Variants in PEX14 observed in about 807,000 individuals in gnomAD.
PEX14 encodes the protein peroxisomal biogenesis factor 14.
In PEX14, 15 loss-of-function variants were observed where a neutral mutation model predicts 49.5. The observed-to-expected ratio is 0.30, with a 90% CI of 0.20 to 0.47. The LOEUF is 0.47. Ranked by LOEUF, PEX14 falls within the 20% of genes least tolerant of loss-of-function variation. The pLI, the probability that PEX14 is intolerant of heterozygous loss-of-function variation, is 1.00. For synonymous variants in PEX14, 210 were observed against 212.7 expected (o/e 0.99, Z 0.11); for missense variants, 398 against 494.8 (o/e 0.80, Z 1.86).
intron 3 of PEX14, among the ~76,000 whole-genome samples, chr1:10,560,511 C>A (rs1159607330): frequency 1.3e-5 from 2 of 151,802 alleles, no homozygotes; most frequent in Admixed American, 1.3e-4. Context: ...CACAGGTGTG[C>A]ACCACCAGAC....
intron 3 of PEX14, among the ~76,000 whole-genome samples, chr1:10,574,017 G>A (rs867656941): frequency 4.1e-4 from 63 of 152,266 alleles, no homozygotes; most frequent in African/African-American, 1.3e-3. Context: ...CAGGATAATC[G>A]CTTGAACCTG....
At chr1:10,526,068 C>A (rs1261783028) in intron 2 of PEX14, among the ~76,000 whole-genome samples, 1 of 151,318 alleles carries the variant, frequency 6.6e-6, no homozygotes, top group Non-Finnish European at 1.5e-5. Flanking sequence ...ACTATAGGTG[C>A]GTGCTGCCAC....
chr1:10,615,134 T>G (rs904328506), intron 4 of PEX14, among the ~76,000 whole-genome samples: 17 of 151,820 alleles, frequency 1.1e-4, no homozygotes, highest in African/African-American at 3.9e-4. Flanking sequence ...GGGAAGGGAG[T>G]GGGGGAAGTC....
rs371062870 is a variant in PEX14 at position 10,592,767 on chromosome 1, C to T, written c.170-6471C>T. On this transcript the variant is annotated intron_variant, in intron 3 of 8. Coordinates refer to ENST00000356607, the MANE Select transcript of PEX14 (RefSeq NM_004565.3). ...ATTGAAACTGCTCAGCACTGGACCC[C>T]GTGAACCCAGCCTGTCTGCTTTGGA... Among the ~76,000 whole-genome samples the T allele has an allele frequency of 3.9e-5, 6 of 152,324 alleles. No individual in the cohort carries two copies. In the East Asian group the frequency reaches 7.7e-4, roughly 20 times the overall value.
intron 3 of PEX14, among the ~76,000 whole-genome samples, chr1:10,568,956 T>C (rs1570280803): frequency 1.3e-5 from 2 of 152,078 alleles, no homozygotes; most frequent in Non-Finnish European, 2.9e-5. Context: ...GCCAGGCTGG[T>C]CTCGAACTCC....
chr1:10,476,454 T>A (rs939145322), intron 1 of PEX14, among the ~76,000 whole-genome samples: 25 of 152,308 alleles, frequency 1.6e-4, no homozygotes, highest in African/African-American at 6.0e-4. Flanking sequence ...AATTGTTTTG[T>A]GTTAGGAATG....
At chr1:10,589,799 T>C (rs1204808715) in intron 3 of PEX14, among the ~76,000 whole-genome samples, 2 of 152,238 alleles carry the variant, frequency 1.3e-5, no homozygotes, top group Non-Finnish European at 2.9e-5. Flanking sequence ...TTAAAACTCT[T>C]GCGATAGAGT....
chr1:10,623,075 G>A lies in PEX14; in HGVS notation c.441G>A (p.Arg147=), dbSNP rs1445789805. Residue 147 remains arginine (R), a synonymous_variant, in exon 6 of 9, where the codon AGG becomes AGA. Transcript: ENST00000356607. The surrounding 1 kb of genome is among the most constrained non-coding windows in gnomAD (Gnocchi z 4.4). The part of the protein sequence containing the change: ...GGREDRKQLE[R]MEAGLSELSG... ...GAGAGGACAGAAAGCAGCTGGAGAG[G>A]ATGGAGGCCGGTCTCTCTGAGCTGA... 1.2e-6 allele frequency: 2 copies of A among 1,613,948 alleles called. No individual in the cohort carries two copies. The highest frequency in any genetic ancestry group is 2.2e-5 in the East Asian group (1 of 44,882).
At chr1:10,581,432 A>G (rs1640314597) in intron 3 of PEX14, among the ~76,000 whole-genome samples, 1 of 149,256 alleles carries the variant, frequency 6.7e-6, no homozygotes, top group South Asian at 2.1e-4. Flanking sequence ...CAGCCTCCCG[A>G]GTAGTTGGGA....
At chr1:10,518,399 C>T (rs1201719004) in intron 2 of PEX14, among the ~76,000 whole-genome samples, 1 of 152,162 alleles carries the variant, frequency 6.6e-6, no homozygotes, top group Non-Finnish European at 1.5e-5. Context: ...TCCTCTCTGC[C>T]TCAGTGGTTT....
At chr1:10,479,412 G>A (rs1247878161) in intron 1 of PEX14, among the ~76,000 whole-genome samples, 1 of 152,024 alleles carries the variant, frequency 6.6e-6, no homozygotes, top group Non-Finnish European at 1.5e-5. Context: ...AGAAAGTGCT[G>A]AGATTATAAG....
At chr1:10,582,736 G>T (rs7552996) in intron 3 of PEX14, among the ~76,000 whole-genome samples, 134,016 of 152,156 alleles carry the variant, frequency 0.88, 59,120 homozygotes, top group East Asian at 1. Context: ...TGTTTTGTTT[G>T]GTTTGGTTTG....
intron 1 of PEX14, 58 bp downstream of exon 1, chr1:10,475,060 C>A: frequency 6.6e-7 from 1 of 1,517,208 alleles, no homozygotes; most frequent in Non-Finnish European, 9.0e-7. Flanking sequence ...AGGGGGCGCT[C>A]AGCATACGGC....
chr1:10,555,636 G>GGTGTGTGTGT, intron 3 of PEX14, among the ~76,000 whole-genome samples: 1 of 46,948 alleles, frequency 2.1e-5, no homozygotes, highest in Non-Finnish European at 4.5e-5. Context: ...GAGCCGGCAA[G>GGTGTGTGTGT]GTGTGAGTGT....
At chr1:10,599,142 C>A in intron 3 of PEX14, 96 bp from the exon 4 acceptor site, 1 of 1,275,294 alleles carries the variant, frequency 7.8e-7, no homozygotes, top group Non-Finnish European at 1.1e-6. Context: ...GCGAGGCATT[C>A]TGTGGCTGTA....
chr1:10,504,717 TTTTCC>T (rs141752784), intron 2 of PEX14, among the ~76,000 whole-genome samples: 22,750 of 151,582 alleles, frequency 0.15, 1,934 homozygotes, highest in South Asian at 0.3. Context: ...TTCCTTTTCC[TTTTCC>T]TTTCCTTTCC....
chr1:10,527,016 C>T (rs1334061015), intron 2 of PEX14, among the ~76,000 whole-genome samples: 1 of 152,022 alleles, frequency 6.6e-6, no homozygotes, highest in African/African-American at 2.4e-5. Flanking sequence ...GAGTTCGAGA[C>T]CCGCCTGGCC....
intron 2 of PEX14, among the ~76,000 whole-genome samples, chr1:10,502,086 G>T (rs1641691675): frequency 1.3e-5 from 2 of 152,290 alleles, no homozygotes; most frequent in South Asian, 4.1e-4. Flanking sequence ...AGGTAAAATT[G>T]TCATGATTAT....
chr1:10,496,533 G>A (rs778480626), intron 2 of PEX14, among the ~76,000 whole-genome samples: 7 of 152,264 alleles, frequency 4.6e-5, no homozygotes, highest in Non-Finnish European at 7.4e-5. Context: ...ACCATAGGCC[G>A]CTGCAGTCCT....
Sources: gnomAD v4.1 joint callset for allele counts (sites outside exome capture counted in the v4.1 genomes callset) on GRCh38, gnomAD v4.1.1 for gene constraint, Gnocchi (gnomAD v3.1) non-coding constraint, MANE v1.5 for transcripts, NCBI Gene and HGNC (gene_info 2026-07-23, HGNC 2026-07-21) for gene names.